The following ERBB4 variants were observed in gnomAD, a reference collection of about 807,000 sequenced individuals.
ERBB4 encodes receptor tyrosine-protein kinase erbB-4.
In ERBB4, 42 loss-of-function variants were observed where a neutral mutation model predicts 158.0. The ratio of observed to expected loss-of-function variants is 0.27; its 90% CI spans 0.21 to 0.34. ERBB4 has a LOEUF of 0.34. Among genes scored for constraint, ERBB4 ranks in the 10% least tolerant of loss-of-function variants. The probability of loss-of-function intolerance (pLI) is 1.00; values close to 1 mark genes in which losing one functional copy is unlikely to be tolerated. For synonymous variants in ERBB4, 583 were observed against 558.7 expected (o/e 1.04, Z -0.61); for missense variants, 1,333 against 1,624.1 (o/e 0.82, Z 3.08).
At chr2:211,635,356 A>G (rs2070318873) in intron 16 of ERBB4, among the ~76,000 whole-genome samples, 2 of 152,232 alleles carry the variant, frequency 1.3e-5, no homozygotes, top group African/African-American at 4.8e-5. Flanking sequence ...TCATAATTTC[A>G]TTTAGAAATT....
At chr2:211,966,841 G>T (rs900729666) in intron 2 of ERBB4, among the ~76,000 whole-genome samples, 1 of 152,030 alleles carries the variant, frequency 6.6e-6, no homozygotes, top group Non-Finnish European at 1.5e-5. Context: ...AATGCCCATG[G>T]AGATAAGGTA....
chr2:211,882,195 T>TA (rs141841674), intron 3 of ERBB4, among the ~76,000 whole-genome samples: 1,971 of 151,758 alleles, frequency 0.013, 48 homozygotes, highest in African/African-American at 0.044. Context: ...TTCCTAATCT[T>TA]AAAAAAAATA....
chr2:211,517,831 T>C (rs2066078938), intron 20 of ERBB4, among the ~76,000 whole-genome samples: 1 of 151,920 alleles, frequency 6.6e-6, no homozygotes, highest in Non-Finnish European at 1.5e-5. Context: ...ATAGAGGAGG[T>C]AGATTTTATT....
chr2:212,266,102 A>C (rs893704272), intron 1 of ERBB4, among the ~76,000 whole-genome samples: 1 of 151,832 alleles, frequency 6.6e-6, no homozygotes, highest in Non-Finnish European at 1.5e-5. Context: ...TCTCAATTGC[A>C]TGCCCCCCTC....
intron 2 of ERBB4, among the ~76,000 whole-genome samples, chr2:212,015,761 T>C (rs1334859702): frequency 6.6e-6 from 1 of 152,052 alleles, no homozygotes. Context: ...TCCATTACAG[T>C]GTCTAGTATT....
intron 1 of ERBB4, among the ~76,000 whole-genome samples, chr2:212,414,274 G>A (rs1291642680): frequency 2.0e-5 from 3 of 152,086 alleles, no homozygotes; most frequent in Non-Finnish European, 4.4e-5. Flanking sequence ...TTCTCAATTG[G>A]CAGATTCATT....
At chr2:211,567,045 A>T (rs2067570422) in intron 19 of ERBB4, among the ~76,000 whole-genome samples, 1 of 152,232 alleles carries the variant, frequency 6.6e-6, no homozygotes, top group Non-Finnish European at 1.5e-5. Context: ...TCTATAATCC[A>T]TTGCAAAAGC....
At chr2:211,638,138 G>A (rs1193287454) in intron 16 of ERBB4, among the ~76,000 whole-genome samples, 5 of 151,948 alleles carry the variant, frequency 3.3e-5, no homozygotes, top group Non-Finnish European at 4.4e-5. Context: ...TGTTTTCAAA[G>A]TGAGAAAACA....
intron 3 of ERBB4, among the ~76,000 whole-genome samples, chr2:211,792,509 T>TTAC (rs1272011115): frequency 6.6e-6 from 1 of 151,858 alleles, no homozygotes. Context: ...TAAGGCATTT[T>TTAC]TACTCCCTAA....
At chr2:211,939,976 T>A (rs1256086804) in intron 3 of ERBB4, among the ~76,000 whole-genome samples, 1 of 136,178 alleles carries the variant, frequency 7.3e-6, no homozygotes, top group Non-Finnish European at 1.7e-5. Context: ...AATATATATA[T>A]ATATGTATAT....
intron 1 of ERBB4, among the ~76,000 whole-genome samples, chr2:212,276,176 CT>C (rs1431316085): frequency 6.6e-6 from 1 of 151,696 alleles, no homozygotes; most frequent in Non-Finnish European, 1.5e-5. Flanking sequence ...TTGACTGCTT[CT>C]TTTTCATTTT....
chr2:212,177,451 C>T (rs957764988), intron 1 of ERBB4, among the ~76,000 whole-genome samples: 1 of 151,834 alleles, frequency 6.6e-6, no homozygotes, highest in African/African-American at 2.4e-5. Context: ...CTGAAATAAT[C>T]TGAACTTTCA....
chr2:212,239,087 T>C (rs1190755925), intron 1 of ERBB4, among the ~76,000 whole-genome samples: 2 of 152,224 alleles, frequency 1.3e-5, no homozygotes, highest in East Asian at 3.8e-4. Context: ...AGGGTCTTGC[T>C]CTGTTGCCCA....
intron 1 of ERBB4, among the ~76,000 whole-genome samples, chr2:212,417,254 T>C (rs902813044): frequency 2.6e-5 from 4 of 152,174 alleles, no homozygotes; most frequent in Admixed American, 6.6e-5. Flanking sequence ...TTGTGGCAGA[T>C]GAAGCAATAT....
chr2:211,634,938 C>T (rs900526071), intron 16 of ERBB4, among the ~76,000 whole-genome samples: 1 of 152,128 alleles, frequency 6.6e-6, no homozygotes, highest in African/African-American at 2.4e-5. Context: ...TCCAAAAGTG[C>T]TGGGATTACA....
chr2:211,820,339 G>A (rs778858658), intron 3 of ERBB4, among the ~76,000 whole-genome samples: 1 of 151,704 alleles, frequency 6.6e-6, no homozygotes, highest in Non-Finnish European at 1.5e-5. Context: ...TAGAGGAAAA[G>A]AATAAATTTC....
intron 1 of ERBB4, among the ~76,000 whole-genome samples, chr2:212,167,582 A>T (rs1450911657): frequency 1.3e-5 from 2 of 152,168 alleles, no homozygotes; most frequent in African/African-American, 4.8e-5. Flanking sequence ...CAGCAATCCC[A>T]TTACTGAGTA....
chr2:211,753,777 T>A (rs903081765), intron 4 of ERBB4, among the ~76,000 whole-genome samples: 1 of 148,696 alleles, frequency 6.7e-6, no homozygotes, highest in East Asian at 1.9e-4. Flanking sequence ...ACATATATTT[T>A]AATGATAACC....
At chr2:212,087,401 G>A (rs1391408418) in intron 2 of ERBB4, among the ~76,000 whole-genome samples, 1 of 151,992 alleles carries the variant, frequency 6.6e-6, no homozygotes, top group East Asian at 1.9e-4. Context: ...CAGTACTAAC[G>A]CCACCAATTT....
Sources: allele counts gnomAD v4.1 joint callset (sites outside exome capture counted in the v4.1 genomes callset), GRCh38; gene constraint gnomAD v4.1.1; transcripts MANE v1.5; gene names NCBI Gene and HGNC (gene_info 2026-07-23, HGNC 2026-07-21).